B4GALNT3: variants seen among roughly 807,000 people sequenced by gnomAD.
B4GALNT3 encodes beta-1,4-N-acetyl-galactosaminyltransferase 3.
In B4GALNT3, 86 loss-of-function variants were observed where a neutral mutation model predicts 120.2. The observed-to-expected ratio is 0.72, with a 90% CI of 0.60 to 0.86. The LOEUF is 0.86. Ranked by LOEUF, B4GALNT3 falls within the 40% of genes least tolerant of loss-of-function variation. The pLI is 0.00. For missense variants in B4GALNT3, 1,167 were observed against 1,298.9 expected, an observed-to-expected ratio of 0.90 and a Z score of 1.56; for synonymous variants, 518 against 510.4, an observed-to-expected ratio of 1.01 and a Z score of -0.20.
chr12:553,917 TTCCAGAGCAG>T lies in B4GALNT3; in HGVS notation c.1995_2004del (p.Pro666LysfsTer10). On this transcript the variant is annotated frameshift_variant, in exon 14 of 20. Transcript: ENST00000266383. LOFTEE classifies it high-confidence loss of function. Reference sequence around the variant, plus strand: ...TGTAACACATCTGGCAACCTGCTGCTTCCAGAGCAGGAAGCTCTGGAGGTCACGCGAGTCT... The same window carrying T: ...TGTAACACATCTGGCAACCTGCTGCTGAAGCTCTGGAGGTCACGCGAGTCT... The T allele has an allele frequency of 6.2e-7, 1 of 1,613,948 alleles. No individual in the cohort carries two copies. Among genetic ancestry groups the T allele is most frequent in the Non-Finnish European group, 8.5e-7 (1 of 1,179,838 alleles).
intron 1 of B4GALNT3, among the ~76,000 whole-genome samples, chr12:503,912 C>T (rs765724892): frequency 6.6e-6 from 1 of 152,052 alleles, no homozygotes; most frequent in Admixed American, 6.5e-5. Flanking sequence ...GTCAGGATTT[C>T]GAGACCAGCC....
At chr12:534,035 C>A (rs1361662442) in intron 1 of B4GALNT3, among the ~76,000 whole-genome samples, 1 of 152,284 alleles carries the variant, frequency 6.6e-6, no homozygotes, top group East Asian at 1.9e-4. Flanking sequence ...TCCCAGGGGT[C>A]GGGGACTGTC....
intron 1 of B4GALNT3, among the ~76,000 whole-genome samples, chr12:511,438 C>CCTTCCACCTTCTTCCACCTTCCACCTT (rs1565597889): frequency 5.0e-5 from 3 of 59,450 alleles, no homozygotes; most frequent in African/African-American, 2.3e-4. Flanking sequence ...CCTTCTTCCA[C>CCTTCCACCTTCTTCCACCTTCCACCTT]CTTCCACCTT....
At chr12:483,162 A>G (rs959409034) in intron 1 of B4GALNT3, among the ~76,000 whole-genome samples, 15 of 152,228 alleles carry the variant, frequency 9.9e-5, no homozygotes, top group African/African-American at 3.4e-4. Flanking sequence ...CTACCACCTC[A>G]GTCTCCCAAA....
Position 553,581 on chromosome 12 carries a change from G to C in B4GALNT3, c.1658G>C (p.Gly553Ala). The C allele has an allele frequency of 6.2e-7, 1 of 1,613,996 alleles. No homozygotes were observed. Among genetic ancestry groups the C allele is most frequent in the Non-Finnish European group, 8.5e-7 (1 of 1,179,912 alleles). ...AGGGGGCCCAGGCCCAGGCCCGCTG[G>C]TGACAGCCCCAGGAAGACTCAGTGG... ...QMRGPRPRPA[G>A]DSPRKTQWLN... Residue 553 changes from glycine (G) to alanine (A), a missense_variant, in exon 14 of 20, where the codon GGT (glycine) becomes GCT (alanine). This residue lies in a region of B4GALNT3 where 983 missense variants were observed against 1,102.5 expected (regional missense o/e 0.89). Coordinates refer to ENST00000266383, the MANE Select transcript of B4GALNT3 (RefSeq NM_173593.4).
intron 1 of B4GALNT3, among the ~76,000 whole-genome samples, chr12:512,659 TCTTCCAC>T (rs879362380): frequency 1.4e-4 from 12 of 86,864 alleles, no homozygotes; most frequent in Admixed American, 4.2e-4. Context: ...CCTTCCACCT[TCTTCCAC>T]CTTCCACCTT....
chr12:505,235 A>T (rs1313923889), intron 1 of B4GALNT3, among the ~76,000 whole-genome samples: 1 of 152,210 alleles, frequency 6.6e-6, no homozygotes, highest in Non-Finnish European at 1.5e-5. Flanking sequence ...GTAATGAGTG[A>T]ATTAATTAGT....
chr12:524,428 TAA>T (rs886405728), intron 1 of B4GALNT3, among the ~76,000 whole-genome samples: 1 of 152,138 alleles, frequency 6.6e-6, no homozygotes, highest in African/African-American at 2.4e-5. Context: ...ATAAGATCCT[TAA>T]AAGAGTGTGT....
In B4GALNT3 at chr12:460,384, G is replaced by A. The variant is rs1946007842; in HGVS notation, c.8G>A (p.Ser3Asn). The part of the protein sequence containing the change: MG[S>N]PRAARPPLLL... ...CCGCCTCGGCGCAGCGCCATGGGGA[G>A]CCCCCGGGCCGCGCGGCCCCCGCTG... The change falls in exon 1 of 20, where the codon AGC (serine) becomes AAC (asparagine). Residue 3 changes from serine (S) to asparagine (N), a missense_variant. Coordinates refer to ENST00000266383, the MANE Select transcript of B4GALNT3 (RefSeq NM_173593.4). The surrounding 1 kb of genome is among the most constrained non-coding windows in gnomAD (Gnocchi z 8.0). 3 of 1,447,316 alleles carry A rather than the reference G, an allele frequency of 2.1e-6. No individual in the cohort carries two copies. Among genetic ancestry groups the A allele is most frequent in the African/African-American group, 3.0e-5 (2 of 67,254 alleles). 89.7% of individuals were successfully genotyped at this position (1,447,316 alleles called of 1,614,324 possible).
At chr12:561,173 T>C (rs576277792) in intron 19 of B4GALNT3, among the ~76,000 whole-genome samples, 170 bp from the exon 20 acceptor site, 3 of 152,336 alleles carry the variant, frequency 2.0e-5, no homozygotes, top group Non-Finnish European at 2.9e-5. Context: ...TACCCAGTCA[T>C]GCAGCTGGGA....
At chr12:523,012 C>G (rs1946727003) in intron 1 of B4GALNT3, among the ~76,000 whole-genome samples, 1 of 149,692 alleles carries the variant, frequency 6.7e-6, no homozygotes, top group South Asian at 2.1e-4. Context: ...TAAATACACA[C>G]TCCCCCTAAA....
Position 537,784 on chromosome 12 carries a change from C to T in B4GALNT3, c.351+1489C>T, listed in dbSNP as rs973641631. Among the ~76,000 whole-genome samples, 18 of 152,242 alleles carry T rather than the reference C, an allele frequency of 1.2e-4. No homozygotes were observed. In the South Asian group the frequency reaches 2.1e-3, roughly 18 times the overall value. ...GATTACTTTTCTTGGCTGGGTGGTA[C>T]GGGCTAGCTCATTGTCTTCATCCAT... On this transcript the variant is annotated intron_variant, in intron 3 of 19. Coordinates refer to ENST00000266383, the MANE Select transcript of B4GALNT3 (RefSeq NM_173593.4).
intron 5 of B4GALNT3, 54 bp downstream of exon 5, chr12:545,026 G>T: frequency 1.3e-6 from 2 of 1,592,908 alleles, no homozygotes; most frequent in South Asian, 2.2e-5. Context: ...TTCTGCATCG[G>T]ACCCAAAGAA....
intron 1 of B4GALNT3, among the ~76,000 whole-genome samples, chr12:514,712 T>C (rs1946635325): frequency 6.6e-6 from 1 of 152,016 alleles, no homozygotes; most frequent in African/African-American, 2.4e-5. Context: ...GAGTTTAGAA[T>C]TGAATCAGAA....
chr12:504,866 A>T (rs1946481607), intron 1 of B4GALNT3, among the ~76,000 whole-genome samples: 2 of 151,138 alleles, frequency 1.3e-5, no homozygotes, highest in Admixed American at 6.6e-5. Flanking sequence ...TTGTGTGAAA[A>T]TGTAGTCTTA....
intron 1 of B4GALNT3, among the ~76,000 whole-genome samples, chr12:472,094 T>C (rs992040455): frequency 7.9e-5 from 12 of 152,228 alleles, no homozygotes; most frequent in Admixed American, 6.5e-5. Flanking sequence ...TTGAGGAATA[T>C]AGCATAAGCT....
At position 548,188 on chromosome 12, in the gene B4GALNT3, C is replaced by G; in HGVS notation, c.787-43C>G. The stretch of plus-strand genomic sequence containing the variant: ...CCCTTGACCCCTGTTGGAAATCCAG[C>G]TACCTCCCACCTTCTGCATCTACCC... On this transcript the variant is annotated intron_variant, in intron 8 of 19. Coordinates refer to ENST00000266383, the MANE Select transcript of B4GALNT3 (RefSeq NM_173593.4). This position sits in a 1 kb window ranked among gnomAD's most constrained non-coding sequence, Gnocchi z 4.9. 1 of 1,609,538 alleles carries G rather than the reference C, an allele frequency of 6.2e-7. No individual in the cohort carries two copies. The highest frequency in any genetic ancestry group is 2.2e-5 in the East Asian group (1 of 44,864).
chr12:550,315 G>A lies in B4GALNT3; in HGVS notation c.997+403G>A, dbSNP rs1195952536. On this transcript the variant is annotated intron_variant, in intron 10 of 19. Coordinates refer to ENST00000266383, the MANE Select transcript of B4GALNT3 (RefSeq NM_173593.4). The surrounding 1 kb of genome is among the most constrained non-coding windows in gnomAD (Gnocchi z 4.1). Reference sequence around the variant, plus strand: ...TTAATGCATGATTCCTCTTGGGAGTGTTTACATTTTAAAAGACGGCCAAGA... The same window carrying A: ...TTAATGCATGATTCCTCTTGGGAGTATTTACATTTTAAAAGACGGCCAAGA... 2.6e-5 allele frequency among the ~76,000 whole-genome samples: 4 copies of A among 152,120 alleles called. No homozygotes were observed. Among genetic ancestry groups the A allele is most frequent in the Non-Finnish European group, 5.9e-5 (4 of 68,020 alleles).
At chr12:506,792 A>G (rs1231442548) in intron 1 of B4GALNT3, among the ~76,000 whole-genome samples, 1 of 151,786 alleles carries the variant, frequency 6.6e-6, no homozygotes, top group Non-Finnish European at 1.5e-5. Flanking sequence ...ACATACCACC[A>G]CGCCCGGCTA....
Sources: allele counts gnomAD v4.1 joint callset (sites outside exome capture counted in the v4.1 genomes callset), GRCh38; gene constraint gnomAD v4.1.1; regional missense constraint gnomAD v4.1.1; non-coding constraint Gnocchi (gnomAD v3.1); transcripts MANE v1.5; gene names NCBI Gene and HGNC (gene_info 2026-07-23, HGNC 2026-07-21).